The following RANBP17 variants were observed in gnomAD, a reference collection of about 807,000 sequenced individuals.
RANBP17 encodes RAN binding protein 17, also known as ran-binding protein 17.
Under a neutral mutation model 141.2 loss-of-function variants are expected in RANBP17, and 158 were observed. The observed-to-expected ratio is 1.12, with a 90% CI of 0.98 to 1.28. The LOEUF is 1.28. Among genes scored for constraint, RANBP17 ranks in the 50% most tolerant of loss-of-function variants. The pLI is 0.00. For synonymous variants in RANBP17, 430 were observed against 450.0 expected (o/e 0.96, Z 0.56); for missense variants, 1,438 against 1,290.7 (o/e 1.11, Z -1.75).
intron 11 of RANBP17, among the ~76,000 whole-genome samples, chr5:170,920,672 G>A (rs542450930): frequency 2.6e-5 from 4 of 151,860 alleles, no homozygotes; most frequent in South Asian, 2.1e-4. Flanking sequence ...GTCTTGCCAC[G>A]TTGTCTTCTA....
intron 16 of RANBP17, among the ~76,000 whole-genome samples, chr5:171,179,526 C>T (rs1449677413): frequency 1.3e-5 from 2 of 152,166 alleles, no homozygotes; most frequent in East Asian, 3.8e-4. Flanking sequence ...CTTCTTTCAT[C>T]AGGATCTAAC....
chr5:171,236,301 C>T, intron 22 of RANBP17, among the ~76,000 whole-genome samples: 1 of 152,116 alleles, frequency 6.6e-6, no homozygotes. Context: ...TGATTGATTG[C>T]TTTGTAAGCC....
chr5:171,160,958 A>G (rs1437822391), intron 14 of RANBP17, among the ~76,000 whole-genome samples: 1 of 151,944 alleles, frequency 6.6e-6, no homozygotes, highest in African/African-American at 2.4e-5. Context: ...ACGCCCTGCT[A>G]ATTTTTTGTA....
intron 14 of RANBP17, 93 bp downstream of exon 14, chr5:170,968,470 T>A (rs1776753497): frequency 7.1e-6 from 8 of 1,122,740 alleles, no homozygotes; most frequent in African/African-American, 3.1e-5. Context: ...AATTTCTACA[T>A]AAGACGTGTA....
At chr5:170,905,666 A>G (rs1227299328) in intron 5 of RANBP17, among the ~76,000 whole-genome samples, 1 of 152,098 alleles carries the variant, frequency 6.6e-6, no homozygotes, top group East Asian at 1.9e-4. Flanking sequence ...TGACAGGGAT[A>G]ATCTTATTGA....
intron 14 of RANBP17, among the ~76,000 whole-genome samples, chr5:171,063,681 C>G (rs935303049): frequency 6.6e-6 from 1 of 152,236 alleles, no homozygotes; most frequent in African/African-American, 2.4e-5. Context: ...AGAACCACTG[C>G]TCTCTTCAAA....
chr5:171,079,761 G>C (rs539864604), intron 14 of RANBP17, among the ~76,000 whole-genome samples: 2 of 152,298 alleles, frequency 1.3e-5, no homozygotes, highest in South Asian at 4.1e-4. Context: ...ACAGGTAATA[G>C]ACTATAGTAT....
intron 14 of RANBP17, among the ~76,000 whole-genome samples, chr5:171,026,233 A>G (rs912443865): frequency 2.6e-5 from 4 of 152,230 alleles, no homozygotes; most frequent in Non-Finnish European, 5.9e-5. Context: ...ACTAGGCTAC[A>G]TACACAATCT....
intron 12 of RANBP17, among the ~76,000 whole-genome samples, chr5:170,943,822 A>G (rs1561915698): frequency 6.6e-6 from 1 of 152,182 alleles, no homozygotes; most frequent in Admixed American, 6.5e-5. Flanking sequence ...AATGACTACT[A>G]CAGTCAGCCA....
At chr5:171,272,389 G>C (rs1243368297) in intron 25 of RANBP17, among the ~76,000 whole-genome samples, 1 of 152,200 alleles carries the variant, frequency 6.6e-6, no homozygotes, top group Non-Finnish European at 1.5e-5. Flanking sequence ...TTTTTCAAAT[G>C]TAAGTGCTTA....
chr5:171,218,360 TATTCTGTCG>T (rs1430835387), intron 21 of RANBP17, among the ~76,000 whole-genome samples: 1 of 152,242 alleles, frequency 6.6e-6, no homozygotes, highest in Non-Finnish European at 1.5e-5. Context: ...GAAGAATGTA[TATTCTGTCG>T]ATTTGGGGTG....
At chr5:171,276,049 G>C (rs535475536) in intron 25 of RANBP17, among the ~76,000 whole-genome samples, 4 of 152,270 alleles carry the variant, frequency 2.6e-5, no homozygotes, top group Admixed American at 6.5e-5. Flanking sequence ...AGTAAGAAAA[G>C]ATTTTGCGTC....
chr5:170,957,649 T>C (rs1312133901), intron 13 of RANBP17, among the ~76,000 whole-genome samples: 3 of 152,196 alleles, frequency 2.0e-5, no homozygotes, highest in Non-Finnish European at 4.4e-5. Context: ...TTCATACTGT[T>C]GTGCTTTTTG....
At chr5:171,059,405 A>G (rs1031109797) in intron 14 of RANBP17, among the ~76,000 whole-genome samples, 2 of 152,218 alleles carry the variant, frequency 1.3e-5, no homozygotes, top group Non-Finnish European at 2.9e-5. Flanking sequence ...TCCCAGCACC[A>G]TTTATTAAAC....
At chr5:171,121,459 T>C (rs1756027824) in intron 14 of RANBP17, among the ~76,000 whole-genome samples, 1 of 152,220 alleles carries the variant, frequency 6.6e-6, no homozygotes, top group African/African-American at 2.4e-5. Context: ...CAGGAACTTA[T>C]CTGCAGAGCT....
intron 14 of RANBP17, among the ~76,000 whole-genome samples, chr5:170,981,335 G>A (rs1777754281): frequency 6.6e-6 from 1 of 152,116 alleles, no homozygotes; most frequent in Non-Finnish European, 1.5e-5. Flanking sequence ...GAAATATAAG[G>A]ACATGAGATT....
At chr5:170,876,808 A>AT (rs1213828047) in intron 1 of RANBP17, among the ~76,000 whole-genome samples, 1 of 152,214 alleles carries the variant, frequency 6.6e-6, no homozygotes, top group African/African-American at 2.4e-5. Context: ...TAGTGTAGCT[A>AT]TAAGGTTACC....
intron 14 of RANBP17, among the ~76,000 whole-genome samples, chr5:171,100,623 A>T (rs1787084540): frequency 1.3e-5 from 2 of 151,748 alleles, no homozygotes; most frequent in African/African-American, 4.8e-5. Flanking sequence ...GATCTTAGTT[A>T]TTTCTTGTCT....
At chr5:171,064,074 C>G (rs963208143) in intron 14 of RANBP17, among the ~76,000 whole-genome samples, 11 of 152,264 alleles carry the variant, frequency 7.2e-5, no homozygotes, top group African/African-American at 2.7e-4. Context: ...TCACCCCTTT[C>G]TTTGACTAGG....
Sources: allele counts gnomAD v4.1 joint callset (sites outside exome capture counted in the v4.1 genomes callset), GRCh38; gene constraint gnomAD v4.1.1; transcripts MANE v1.5; gene names NCBI Gene and HGNC (gene_info 2026-07-23, HGNC 2026-07-21).